The following CCR9 variants were observed in gnomAD, a reference collection of about 807,000 sequenced individuals.
CCR9 encodes C-C chemokine receptor type 9.
A neutral mutation model predicts 8.7 loss-of-function variants in CCR9; 4 were observed. The observed-to-expected ratio is 0.46, with a 90% confidence interval of 0.23 to 1.06. CCR9 has a LOEUF of 1.06. Ranked by LOEUF, CCR9 falls within the 50% of genes least tolerant of loss-of-function variation. The pLI is 0.21. For missense variants in CCR9, 394 were observed against 453.6 expected (o/e 0.87, Z 1.19); for synonymous variants, 159 against 168.8 (o/e 0.94, Z 0.45).
chr3:45,894,323 T>C (rs1192726900), intron 1 of CCR9, among the ~76,000 whole-genome samples: 1 of 152,054 alleles, frequency 6.6e-6, no homozygotes, highest in African/African-American at 2.4e-5. Context: ...GGGCACCGGG[T>C]CTTTTAGGGA....
chr3:45,888,643 C>T (rs1276485418), intron 1 of CCR9, among the ~76,000 whole-genome samples: 1 of 152,172 alleles, frequency 6.6e-6, no homozygotes, highest in African/African-American at 2.4e-5. Flanking sequence ...TCCCGACAGA[C>T]CGCTGAGATG....
chr3:45,889,576 C>A (rs758199183), intron 1 of CCR9, among the ~76,000 whole-genome samples: 10 of 151,992 alleles, frequency 6.6e-5, no homozygotes, highest in Non-Finnish European at 1.3e-4. Flanking sequence ...AAATAGTTTG[C>A]AAAATCTAAA....
rs770003172 is a variant in CCR9, at chr3:45,901,409, C to T, written c.621C>T (p.Ser207=). The change falls in exon 3 of 3, where the codon AGC becomes AGT. Residue 207 remains serine (S), a synonymous_variant. Coordinates refer to ENST00000357632, the MANE Select transcript of CCR9 (RefSeq NM_031200.3). The surrounding 1 kb of genome is among the most constrained non-coding windows in gnomAD (Gnocchi z 4.3). Reference sequence around the variant, plus strand: ...CCATGGTTTACCCTAGCGATGAGAGCACCAAACTGAAGTCAGCTGTCTTGA... The same window carrying T: ...CCATGGTTTACCCTAGCGATGAGAGTACCAAACTGAAGTCAGCTGTCTTGA... The part of the protein sequence containing the change: ...ICTMVYPSDE[S]TKLKSAVLTL... 6.2e-6 allele frequency: 10 copies of T among 1,614,086 alleles called. No individual in the cohort carries two copies. The highest frequency in any genetic ancestry group is 3.4e-6 in the Non-Finnish European group (4 of 1,180,042).
chr3:45,898,977 C>T lies in CCR9; in HGVS notation c.22-1833C>T, dbSNP rs548906562. ...GGTCAGAAGTTCGAGACCAGCCTGA[C>T]CAACATGGTGAAATCCCGTCTCTAC... On this transcript the variant is annotated intron_variant, in intron 2 of 2. Coordinates refer to ENST00000357632, the MANE Select transcript of CCR9 (RefSeq NM_031200.3). Among the ~76,000 whole-genome samples the T allele has an allele frequency of 3.2e-4, 48 of 152,226 alleles. 1 individual carries two copies. In the South Asian group the frequency reaches 5.2e-3, roughly 16 times the overall value.
chr3:45,893,576 G>T (rs1160196254), intron 1 of CCR9, among the ~76,000 whole-genome samples: 1 of 152,148 alleles, frequency 6.6e-6, no homozygotes, highest in Non-Finnish European at 1.5e-5. Flanking sequence ...AACTCCCTTT[G>T]GTCTGGCTAC....
At position 45,900,268 on chromosome 3, in the gene CCR9, T is replaced by A. The variant is rs1350720806; in HGVS notation, c.22-542T>A. 6.6e-6 allele frequency among the ~76,000 whole-genome samples: 1 copy of A among 152,154 alleles called. No homozygotes were observed. Among genetic ancestry groups the A allele is most frequent in the East Asian group, 1.9e-4 (1 of 5,198 alleles). ...GGTTGAGAGTGTCTGTGTGTGTATG[T>A]GTATGTGCATGTGTATGTGGGTGTA... On this transcript the variant is annotated intron_variant, in intron 2 of 2. Transcript: ENST00000357632. The surrounding 1 kb of genome is among the most constrained non-coding windows in gnomAD (Gnocchi z 4.7).
intron 1 of CCR9, among the ~76,000 whole-genome samples, chr3:45,892,375 C>T (rs1259344615): frequency 1.3e-5 from 2 of 152,098 alleles, no homozygotes; most frequent in Non-Finnish European, 2.9e-5. Flanking sequence ...GAATACTACA[C>T]AGCCATAAAA....
At chr3:45,897,471 T>C (rs1702394218) in intron 2 of CCR9, 1 of 794,430 alleles carries the variant, frequency 1.3e-6, no homozygotes, top group Admixed American at 2.0e-5. Flanking sequence ...CTTGGGAGTG[T>C]TAGCTGTGCC....
At chr3:45,896,397 G>A (rs1246482605) in intron 2 of CCR9, among the ~76,000 whole-genome samples, 1 of 152,200 alleles carries the variant, frequency 6.6e-6, no homozygotes, top group African/African-American at 2.4e-5. Context: ...GACCCCTGTG[G>A]CCCTGACTCC....
At chr3:45,889,758 AC>A (rs1389405364) in intron 1 of CCR9, among the ~76,000 whole-genome samples, 1 of 150,382 alleles carries the variant, frequency 6.6e-6, no homozygotes, top group African/African-American at 2.5e-5. Flanking sequence ...AGTCTTGAGG[AC>A]CTCTTTTCTA....
intron 1 of CCR9, among the ~76,000 whole-genome samples, chr3:45,892,066 T>A (rs1352173559): frequency 6.6e-6 from 1 of 152,058 alleles, no homozygotes; most frequent in Admixed American, 6.6e-5. Context: ...GGCTGTTTAG[T>A]GGAGAAAGAT....
At position 45,894,973 on chromosome 3, in the gene CCR9, C is replaced by T; in HGVS notation, c.21+19C>T. 2 of 1,612,376 alleles carry T rather than the reference C, an allele frequency of 1.2e-6. No homozygotes were observed. The highest frequency in any genetic ancestry group is 1.7e-6 in the Non-Finnish European group (2 of 1,178,386). The stretch of plus-strand genomic sequence containing the variant: ...CTTCACAGTGAGTACAGCCGTGCTC[C>T]TCTGGCTCCTCAAAACACACACTCA... On this transcript the variant is annotated intron_variant, in intron 2 of 2. Coordinates refer to ENST00000357632, the MANE Select transcript of CCR9 (RefSeq NM_031200.3).
chr3:45,896,944 G>A (rs755943754), intron 2 of CCR9, among the ~76,000 whole-genome samples: 6 of 152,198 alleles, frequency 3.9e-5, no homozygotes, highest in Non-Finnish European at 8.8e-5. Context: ...GAACACATGA[G>A]CCAGAGAAGG....
chr3:45,891,576 G>A (rs1015013589), intron 1 of CCR9, among the ~76,000 whole-genome samples: 2 of 152,178 alleles, frequency 1.3e-5, no homozygotes, highest in Non-Finnish European at 2.9e-5. Flanking sequence ...GCATTCTCCT[G>A]TAAAACCACA....
chr3:45,896,055 G>A (rs1458615145), intron 2 of CCR9, among the ~76,000 whole-genome samples: 1 of 152,200 alleles, frequency 6.6e-6, no homozygotes, highest in East Asian at 1.9e-4. Context: ...TATTACATAT[G>A]TATAGTTACC....
At chr3:45,889,489 T>C (rs1164802894) in intron 1 of CCR9, among the ~76,000 whole-genome samples, 1 of 152,044 alleles carries the variant, frequency 6.6e-6, no homozygotes, top group Non-Finnish European at 1.5e-5. Flanking sequence ...GGCTTCTTCT[T>C]CTTTTTTTTT....
chr3:45,893,955 A>G (rs1235003056), intron 1 of CCR9, among the ~76,000 whole-genome samples: 1 of 152,220 alleles, frequency 6.6e-6, no homozygotes, highest in Non-Finnish European at 1.5e-5. Context: ...TTGTTATGGA[A>G]AGGAAGCCAA....
chr3:45,888,221 C>G (rs2125737079), intron 1 of CCR9, among the ~76,000 whole-genome samples: 1 of 152,332 alleles, frequency 6.6e-6, no homozygotes. Context: ...TTCTGACTTT[C>G]ATGCCTTAGT....
At position 45,902,356 on chromosome 3, in the gene CCR9, C is replaced by G. The variant is rs1474470983; in HGVS notation, c.*458C>G. 5.8e-6 allele frequency: 1 copy of G among 171,616 alleles called. No individual in the cohort carries two copies. The highest frequency in any genetic ancestry group is 1.4e-5 in the Non-Finnish European group (1 of 71,162). The allele number at this position is 171,616 out of a possible 1,614,324, so 10.6% of individuals were successfully genotyped here. A position where few individuals can be genotyped will look rare whatever the true frequency, so the allele number is the denominator to read the frequency against. On this transcript the variant is annotated 3_prime_UTR_variant, in exon 3 of 3. Coordinates refer to ENST00000357632, the MANE Select transcript of CCR9 (RefSeq NM_031200.3). Reference sequence around the variant, plus strand: ...AAAATGTCCATCTTTGGGAAATTTTCTACCCTGCTCTTGAGCCTGATAACC... The same window carrying G: ...AAAATGTCCATCTTTGGGAAATTTTGTACCCTGCTCTTGAGCCTGATAACC...
Sources: gnomAD v4.1 joint callset for allele counts (sites outside exome capture counted in the v4.1 genomes callset) on GRCh38, gnomAD v4.1.1 for gene constraint, Gnocchi (gnomAD v3.1) non-coding constraint, MANE v1.5 for transcripts, NCBI Gene and HGNC (gene_info 2026-07-23, HGNC 2026-07-21) for gene names.